The following SCN2A variants were observed in gnomAD, a reference collection of about 807,000 sequenced individuals.
SCN2A encodes sodium channel protein type 2 subunit alpha.
Under a neutral mutation model 188.7 loss-of-function variants are expected in SCN2A, and 20 were observed. The ratio of observed to expected loss-of-function variants is 0.11; its 90% CI spans 0.07 to 0.15. The LOEUF (loss-of-function observed/expected upper bound fraction) is 0.15. Ranked by LOEUF, SCN2A falls within the 10% of genes least tolerant of loss-of-function variation. The pLI, the probability that SCN2A is intolerant of heterozygous loss-of-function variation, is 1.00. For missense variants in SCN2A, 1,278 were observed against 2,445.0 expected (o/e 0.52, Z 10.07); for synonymous variants, 804 against 833.1 (o/e 0.97, Z 0.60).
intron 1 of SCN2A, among the ~76,000 whole-genome samples, chr2:165,275,957 A>T (rs564676237): frequency 1.3e-5 from 2 of 152,006 alleles, no homozygotes; most frequent in East Asian, 3.9e-4. Flanking sequence ...CTGGTCTTGA[A>T]CTCCTAACCT....
intron 22 of SCN2A, 25 bp from the exon 23 acceptor site, chr2:165,377,572 G>T: frequency 1.3e-6 from 2 of 1,589,902 alleles, no homozygotes; most frequent in South Asian, 1.1e-5. Flanking sequence ...TGGGAAAAAA[G>T]AAAATGATAT....
intron 1 of SCN2A, among the ~76,000 whole-genome samples, chr2:165,250,011 T>C (rs1694015980): frequency 6.6e-6 from 1 of 152,042 alleles, no homozygotes; most frequent in Non-Finnish European, 1.5e-5. Context: ...CTTTATAATG[T>C]TCTCTCTGTT....
In SCN2A at chr2:165,389,483, T is replaced by A. The variant is rs1702040004; in HGVS notation, c.5677T>A (p.Tyr1893Asn). Residue 1893 changes from tyrosine to asparagine, a missense_variant, in exon 27 of 27, where the codon TAT (tyrosine) becomes AAT (asparagine). By Grantham distance (143) the Tyr-to-Asn change is moderately radical. Around this residue, in one of 17 missense-constraint regions of SCN2A, gnomAD observed 109 missense variants for 137.9 expected, o/e 0.79. Coordinates refer to ENST00000375437, the MANE Select transcript of SCN2A (RefSeq NM_001040142.2). The surrounding 1 kb of genome is among the most constrained non-coding windows in gnomAD (Gnocchi z 4.2). ...FMASNPSKVS[Y>N]EPITTTLKRK... ...GGCATCAAACCCCTCCAAAGTCTCTTATGAGCCCATTACGACCACGTTGAA... is the reference window on the plus strand; with the variant it reads ...GGCATCAAACCCCTCCAAAGTCTCTAATGAGCCCATTACGACCACGTTGAA... The A allele has an allele frequency of 6.2e-6, 10 of 1,613,938 alleles. No individual in the cohort carries two copies. Among genetic ancestry groups the A allele is most frequent in the Non-Finnish European group, 8.5e-6 (10 of 1,179,954 alleles).
intron 1 of SCN2A, chr2:165,273,508 T>A (rs757131554): frequency 6.6e-6 from 1 of 152,222 alleles, no homozygotes; most frequent in Non-Finnish European, 1.5e-5. Flanking sequence ...TTCTAAATCT[T>A]AGTCATATCT....
chr2:165,313,774 A>G lies in SCN2A; in HGVS notation c.1176+13A>G, dbSNP rs1697572612. ...CCTTTATCAACTGGTGAGAACAGAT[A>G]AAATCATTTTTCTGAGAATCATAAA... On this transcript the variant is annotated intron_variant, in intron 9 of 26. Coordinates refer to ENST00000375437, the MANE Select transcript of SCN2A (RefSeq NM_001040142.2). The G allele has an allele frequency of 6.2e-7, 1 of 1,613,562 alleles. No individual in the cohort carries two copies. Among genetic ancestry groups the G allele is most frequent in the South Asian group, 1.1e-5 (1 of 91,080 alleles).
chr2:165,339,446 T>C (rs183769893), intron 14 of SCN2A, among the ~76,000 whole-genome samples: 11 of 152,094 alleles, frequency 7.2e-5, no homozygotes, highest in Admixed American at 6.5e-4. Flanking sequence ...AATGCATAAA[T>C]ATTGAAATGT....
Position 165,392,068 on chromosome 2 carries a change from T to C in SCN2A, c.*2244T>C, listed in dbSNP as rs1470146319. 2.6e-5 allele frequency: 4 copies of C among 152,548 alleles called. No individual in the cohort carries two copies. Among genetic ancestry groups the C allele is most frequent in the Non-Finnish European group, 4.4e-5 (3 of 67,990 alleles). 9.4% of individuals were successfully genotyped at this position (152,548 alleles called of 1,614,324 possible). A position where few individuals can be genotyped will look rare whatever the true frequency, so the allele number is the denominator to read the frequency against. On this transcript the variant is annotated 3_prime_UTR_variant, in exon 27 of 27. Coordinates refer to ENST00000375437, the MANE Select transcript of SCN2A (RefSeq NM_001040142.2). Reference sequence around the variant, plus strand: ...TTTGTATTTAATTGTTGTCTTTGTTTCTATCTTTGAAATGCCATTTAAAGG... The same window carrying C: ...TTTGTATTTAATTGTTGTCTTTGTTCCTATCTTTGAAATGCCATTTAAAGG...
chr2:165,296,924 G>T, intron 2 of SCN2A, 93 bp from the exon 3 acceptor site: 1 of 720,878 alleles, frequency 1.4e-6, no homozygotes, highest in Non-Finnish European at 2.5e-6. Flanking sequence ...ATTTTACAGG[G>T]CAATATTTAT....
chr2:165,306,293 C>G (rs1697126199), intron 3 of SCN2A, among the ~76,000 whole-genome samples: 1 of 152,118 alleles, frequency 6.6e-6, no homozygotes, highest in South Asian at 2.1e-4. Context: ...AAATACAGGA[C>G]TGTGTTGAGG....
intron 14 of SCN2A, among the ~76,000 whole-genome samples, chr2:165,338,458 C>A (rs1291440428): frequency 6.6e-6 from 1 of 151,958 alleles, no homozygotes. Flanking sequence ...GACGGGGTTT[C>A]ATCGTGTTAG....
At chr2:165,337,818 A>C (rs1392654568) in intron 14 of SCN2A, among the ~76,000 whole-genome samples, 1 of 152,222 alleles carries the variant, frequency 6.6e-6, no homozygotes, top group African/African-American at 2.4e-5. Context: ...TAGGCCGAAT[A>C]GGAAAAATAT....
At chr2:165,372,437 A>C (rs1019820400) in intron 20 of SCN2A, 1 of 152,052 alleles carries the variant, frequency 6.6e-6, no homozygotes, top group Admixed American at 6.6e-5. Context: ...TGCTTTTGAA[A>C]TTCAGGTGTA....
intron 23 of SCN2A, among the ~76,000 whole-genome samples, chr2:165,378,545 A>G (rs996626413): frequency 1.3e-4 from 19 of 151,712 alleles, no homozygotes; most frequent in Non-Finnish European, 1.5e-5. Context: ...TATAGGTGAT[A>G]CTAGCTCTAT....
intron 19 of SCN2A, among the ~76,000 whole-genome samples, chr2:165,367,669 T>C (rs1374132819): frequency 6.6e-6 from 1 of 152,212 alleles, no homozygotes; most frequent in Non-Finnish European, 1.5e-5. Flanking sequence ...TATGTAGACA[T>C]GATGTAGGAT....
chr2:165,256,000 C>CTTT (rs765804959), intron 1 of SCN2A, among the ~76,000 whole-genome samples: 5 of 88,484 alleles, frequency 5.7e-5, no homozygotes, highest in Non-Finnish European at 1.0e-4. Context: ...GGGCTCTTTT[C>CTTT]TTTTTTTTTT....
intron 22 of SCN2A, among the ~76,000 whole-genome samples, chr2:165,376,582 T>C (rs903887914): frequency 2.6e-5 from 4 of 152,058 alleles, no homozygotes; most frequent in African/African-American, 9.7e-5. Context: ...TCCCTGACTA[T>C]GCATTTGGTA....
rs55979694 is a variant in SCN2A at position 165,291,035 on chromosome 2, CTTTTTTT to C, written c.-51-4720_-51-4714del. On this transcript the variant is annotated intron_variant, in intron 1 of 26. Coordinates refer to ENST00000375437, the MANE Select transcript of SCN2A (RefSeq NM_001040142.2). ...GGTGTTTTTTTCTTTTCTTTTCTTT[CTTTTTTT>C]TTTTTTTTTTTTTTTTTGAGACTGA... is the stretch of plus-strand genomic sequence containing the variant. Among the ~76,000 whole-genome samples the C allele has an allele frequency of 1.0e-3, 81 of 79,938 alleles. 2 individuals carry two copies. In the South Asian group the frequency reaches 0.037, roughly 37 times the overall value. 52.4% of individuals were successfully genotyped at this position (79,938 alleles called of 152,430 possible).
At chr2:165,281,180 A>G (rs776615661) in intron 1 of SCN2A, among the ~76,000 whole-genome samples, 1 of 152,154 alleles carries the variant, frequency 6.6e-6, no homozygotes, top group Non-Finnish European at 1.5e-5. Flanking sequence ...TTGCCACTAC[A>G]CACTAGTCTG....
chr2:165,321,888 A>G lies in SCN2A; in HGVS notation c.1672-1268A>G, dbSNP rs552218583. Among the ~76,000 whole-genome samples, 161 of 152,356 alleles carry G rather than the reference A, an allele frequency of 1.1e-3. 2 individuals are homozygous for G. Among genetic ancestry groups the G allele is most frequent in the Middle Eastern group, 3.4e-3 (1 of 294 alleles). ...TAGGTATAAAATAATGGTTTTAGTT[A>G]GTTTTGAACCTTTGGAGAGGAAAAG... On this transcript the variant is annotated intron_variant, in intron 11 of 26. Coordinates refer to ENST00000375437, the MANE Select transcript of SCN2A (RefSeq NM_001040142.2).
Sources: gnomAD v4.1 joint callset for allele counts (sites outside exome capture counted in the v4.1 genomes callset) on GRCh38, gnomAD v4.1.1 for gene constraint, gnomAD v4.1.1 regional missense constraint, Gnocchi (gnomAD v3.1) non-coding constraint, MANE v1.5 for transcripts, NCBI Gene and HGNC (gene_info 2026-07-23, HGNC 2026-07-21) for gene names.